USP10: variants seen among roughly 807,000 people sequenced by gnomAD.
The protein encoded by USP10 is ubiquitin carboxyl-terminal hydrolase 10.
USP10 carries 22 observed loss-of-function variants against 84.5 expected under a neutral mutation model. The ratio of observed to expected loss-of-function variants is 0.26; its 90% confidence interval spans 0.19 to 0.37. The LOEUF (loss-of-function observed/expected upper bound fraction) is 0.37. Ranked by LOEUF, USP10 falls within the 10% of genes least tolerant of loss-of-function variation. The probability of loss-of-function intolerance (pLI) is 1.00; values close to 1 mark genes in which losing one functional copy is unlikely to be tolerated. For synonymous variants in USP10, 454 were observed against 387.6 expected, an observed-to-expected ratio of 1.17 and a Z score of -2.01; for missense variants, 1,019 against 998.9, an observed-to-expected ratio of 1.02 and a Z score of -0.27.
At chr16:84,726,347 T>A (rs987131815) in intron 1 of USP10, among the ~76,000 whole-genome samples, 1 of 152,250 alleles carries the variant, frequency 6.6e-6, no homozygotes, top group Non-Finnish European at 1.5e-5. Flanking sequence ...CCTTCTCGCC[T>A]TCCTTGGGCT....
chr16:84,756,865 C>G (rs1214487092), intron 4 of USP10, among the ~76,000 whole-genome samples: 1 of 152,122 alleles, frequency 6.6e-6, no homozygotes, highest in East Asian at 1.9e-4. Flanking sequence ...ATGTAAAAAT[C>G]CACTGTCAAT....
intron 3 of USP10, among the ~76,000 whole-genome samples, chr16:84,742,728 A>G (rs535857127): frequency 6.6e-6 from 1 of 152,320 alleles, no homozygotes; most frequent in South Asian, 2.1e-4. Flanking sequence ...CATGGCGTCC[A>G]TTGTGAGTGT....
chr16:84,723,106 A>G (rs1273759843), intron 1 of USP10, among the ~76,000 whole-genome samples: 1 of 151,522 alleles, frequency 6.6e-6, no homozygotes, highest in Non-Finnish European at 1.5e-5. Context: ...TCGATTTTAA[A>G]AGGATTGACC....
intron 4 of USP10, among the ~76,000 whole-genome samples, chr16:84,749,704 G>A (rs16974532): frequency 0.23 from 35,038 of 152,152 alleles, 4,338 homozygotes; most frequent in East Asian, 0.37. Context: ...ATAAATGCCA[G>A]CTAGTTTTTA....
At chr16:84,710,413 G>A (rs1288593443) in intron 1 of USP10, among the ~76,000 whole-genome samples, 1 of 152,100 alleles carries the variant, frequency 6.6e-6, no homozygotes, top group Non-Finnish European at 1.5e-5. Flanking sequence ...GGCATCTTAA[G>A]CCTCATAACT....
At chr16:84,727,715 C>A (rs376885391) in intron 1 of USP10, among the ~76,000 whole-genome samples, 8 of 152,284 alleles carry the variant, frequency 5.3e-5, no homozygotes, top group African/African-American at 1.4e-4. Flanking sequence ...TACAGACATA[C>A]AATATTTTTC....
At chr16:84,704,890 G>C in intron 1 of USP10, 1 of 1,535,670 alleles carries the variant, frequency 6.5e-7, no homozygotes. Context: ...ATGTGGTTTG[G>C]GGCTGTTACA....
intron 3 of USP10, among the ~76,000 whole-genome samples, chr16:84,740,730 G>C (rs1910526904): frequency 6.6e-6 from 1 of 152,264 alleles, no homozygotes; most frequent in South Asian, 2.1e-4. Context: ...GCGCCAGCTA[G>C]CTTCTGAGCC....
intron 1 of USP10, among the ~76,000 whole-genome samples, chr16:84,732,220 G>A (rs1029623549): frequency 3.3e-5 from 5 of 152,024 alleles, no homozygotes; most frequent in African/African-American, 1.2e-4. Flanking sequence ...GTAATATTTA[G>A]TTACTGGTTA....
chr16:84,751,067 C>T (rs952902031), intron 4 of USP10, among the ~76,000 whole-genome samples: 1 of 152,148 alleles, frequency 6.6e-6, no homozygotes, highest in Admixed American at 6.5e-5. Flanking sequence ...AACAACAGAC[C>T]GCATGTACGA....
chr16:84,720,705 C>T (rs542949999), intron 1 of USP10, among the ~76,000 whole-genome samples: 17 of 149,190 alleles, frequency 1.1e-4, no homozygotes, highest in Non-Finnish European at 2.4e-4. Flanking sequence ...CCTCAGCCTC[C>T]TGAGTAGTTA....
chr16:84,721,442 T>A (rs546476967), intron 1 of USP10, among the ~76,000 whole-genome samples: 13 of 152,380 alleles, frequency 8.5e-5, no homozygotes, highest in Admixed American at 7.2e-4. Context: ...TTACATAGAT[T>A]GTGCATAACA....
In USP10 at chr16:84,745,665, A is replaced by G; in HGVS notation, c.1184A>G (p.Lys395Arg). 1 of 1,609,612 alleles carries G rather than the reference A, an allele frequency of 6.2e-7. No homozygotes were observed. The highest frequency in any genetic ancestry group is 2.2e-5 in the East Asian group (1 of 44,824). ...VPVSEDPVAI[K>R]IAELLENVTL... is the part of the protein sequence containing the mutation. ...GTTTCAGAGGATCCTGTAGCCATAA[A>G]GATTGCAGGTATAGTTGAAAAGATA... The change falls in exon 4 of 14, where the codon AAG becomes AGG. Residue 395 changes from lysine to arginine, a missense_variant. This residue lies in a region of USP10 where 787 missense variants were observed against 708.8 expected (regional missense o/e 1.11). Coordinates refer to ENST00000219473, the MANE Select transcript of USP10 (RefSeq NM_005153.3).
chr16:84,700,748 A>G (rs867542072), intron 1 of USP10, among the ~76,000 whole-genome samples: 14 of 152,204 alleles, frequency 9.2e-5, no homozygotes, highest in Admixed American at 3.3e-4. Flanking sequence ...CCCTTGCACG[A>G]ATCCATCCCA....
intron 4 of USP10, among the ~76,000 whole-genome samples, chr16:84,754,839 C>T (rs1210975205): frequency 1.3e-5 from 2 of 152,144 alleles, no homozygotes; most frequent in African/African-American, 4.8e-5. Flanking sequence ...GCCCCTAACT[C>T]AGTTAAGAAC....
intron 11 of USP10, among the ~76,000 whole-genome samples, chr16:84,770,190 T>C (rs1914282863): frequency 6.6e-6 from 1 of 152,196 alleles, no homozygotes; most frequent in Non-Finnish European, 1.5e-5. Flanking sequence ...CCAGCCGTTC[T>C]GGGTGCGTGG....
At chr16:84,763,109 C>A in intron 9 of USP10, 21 bp downstream of exon 9, 2 of 1,543,486 alleles carry the variant, frequency 1.3e-6, no homozygotes, top group South Asian at 2.3e-5. Flanking sequence ...GTCCACTTGC[C>A]GCAGAGTTGT....
intron 2 of USP10, 30 bp from the exon 3 acceptor site, chr16:84,740,279 T>C (rs1360486617): frequency 1.3e-6 from 2 of 1,597,612 alleles, no homozygotes; most frequent in East Asian, 4.5e-5. Flanking sequence ...TTTTGTTGAA[T>C]TAAAATTTGT....
intron 1 of USP10, 85 bp from the exon 2 acceptor site, chr16:84,733,350 G>C: frequency 9.2e-7 from 1 of 1,085,808 alleles, no homozygotes; most frequent in Non-Finnish European, 1.4e-6. Flanking sequence ...ATGTTGCATA[G>C]GATTGTTAAA....
Sources: allele counts gnomAD v4.1 joint callset (sites outside exome capture counted in the v4.1 genomes callset), GRCh38; gene constraint gnomAD v4.1.1; regional missense constraint gnomAD v4.1.1; transcripts MANE v1.5; gene names NCBI Gene and HGNC (gene_info 2026-07-23, HGNC 2026-07-21).